Variants in MAGI3 observed in about 807,000 individuals in gnomAD.
MAGI3 encodes membrane-associated guanylate kinase, WW and PDZ domain-containing protein 3.
Under a neutral mutation model 121.8 loss-of-function variants are expected in MAGI3, and 43 were observed. The ratio of observed to expected loss-of-function variants is 0.35; its 90% CI spans 0.28 to 0.46. MAGI3 has a LOEUF of 0.46. MAGI3 is among the 20% of genes least tolerant of loss of function. The pLI, the probability that MAGI3 is intolerant of heterozygous loss-of-function variation, is 1.00. For synonymous variants in MAGI3, 553 were observed against 639.3 expected (o/e 0.86, Z 2.04); for missense variants, 1,547 against 1,797.3 (o/e 0.86, Z 2.52).
chr1:113,454,222 C>G (rs894086157), intron 1 of MAGI3, among the ~76,000 whole-genome samples: 3 of 152,066 alleles, frequency 2.0e-5, no homozygotes, highest in Non-Finnish European at 2.9e-5. Flanking sequence ...GCATATTTTG[C>G]TTGTTTTAAA....
chr1:113,415,182 C>T (rs1652234181), intron 1 of MAGI3, among the ~76,000 whole-genome samples: 1 of 152,044 alleles, frequency 6.6e-6, no homozygotes, highest in African/African-American at 2.4e-5. Flanking sequence ...CCTTTAGTAG[C>T]AGAAGTAATA....
intron 1 of MAGI3, among the ~76,000 whole-genome samples, chr1:113,461,897 G>T (rs1421362712): frequency 6.6e-6 from 1 of 152,008 alleles, no homozygotes; most frequent in African/African-American, 2.4e-5. Context: ...CATTTAAAAA[G>T]TGGGCAAAGG....
intron 1 of MAGI3, among the ~76,000 whole-genome samples, chr1:113,454,258 AG>A (rs1161850026): frequency 6.6e-6 from 1 of 152,176 alleles, no homozygotes; most frequent in Non-Finnish European, 1.5e-5. Flanking sequence ...TTCTTCCTTT[AG>A]GGGTAGCTTA....
At chr1:113,505,553 A>AATAAATAAATAAATAAATAT (rs1051747568) in intron 1 of MAGI3, among the ~76,000 whole-genome samples, 1 of 148,586 alleles carries the variant, frequency 6.7e-6, no homozygotes, top group Non-Finnish European at 1.5e-5. Flanking sequence ...TAAATAAATA[A>AATAAATAAATAAATAAATAT]ATATATAATG....
chr1:113,451,727 A>G (rs1301069958), intron 1 of MAGI3, among the ~76,000 whole-genome samples: 1 of 152,172 alleles, frequency 6.6e-6, no homozygotes, highest in African/African-American at 2.4e-5. Flanking sequence ...AATCCCAACT[A>G]TTAACAATTT....
At chr1:113,479,664 A>G (rs75372342) in intron 1 of MAGI3, among the ~76,000 whole-genome samples, 9,434 of 152,170 alleles carry the variant, frequency 0.062, 320 homozygotes, top group Non-Finnish European at 0.074. Context: ...GGTGGTTTTC[A>G]TCATTATTTC....
intron 8 of MAGI3, among the ~76,000 whole-genome samples, chr1:113,622,153 T>C (rs977505189): frequency 1.9e-4 from 29 of 152,174 alleles, no homozygotes; most frequent in Admixed American, 9.2e-4. Flanking sequence ...ATTTAAAATC[T>C]TTTTTACAGT....
chr1:113,417,157 T>C (rs1324993638), intron 1 of MAGI3, among the ~76,000 whole-genome samples: 1 of 152,108 alleles, frequency 6.6e-6, no homozygotes, highest in African/African-American at 2.4e-5. Flanking sequence ...ATTTTAGGCA[T>C]ATGGTTATAT....
At chr1:113,663,057 C>T (rs1170788544) in intron 16 of MAGI3, among the ~76,000 whole-genome samples, 1 of 152,048 alleles carries the variant, frequency 6.6e-6, no homozygotes, top group Non-Finnish European at 1.5e-5. Context: ...GAAACCCCAC[C>T]TCTACTAAAA....
At chr1:113,650,906 G>A in intron 13 of MAGI3, 108 bp from the exon 14 acceptor site, 1 of 974,458 alleles carries the variant, frequency 1.0e-6, no homozygotes, top group South Asian at 1.5e-5. Context: ...TGTTTTCATA[G>A]TTGAACTGCA....
intron 1 of MAGI3, among the ~76,000 whole-genome samples, chr1:113,464,781 C>T (rs1655192603): frequency 6.6e-6 from 1 of 152,084 alleles, no homozygotes; most frequent in South Asian, 2.1e-4. Context: ...TACCTGTTGG[C>T]CATTTGTATG....
intron 1 of MAGI3, among the ~76,000 whole-genome samples, chr1:113,519,076 A>C (rs1008816823): frequency 2.0e-5 from 3 of 152,196 alleles, no homozygotes; most frequent in Admixed American, 6.5e-5. Flanking sequence ...AATTCTCTCT[A>C]TGAAAACAGA....
intron 1 of MAGI3, chr1:113,449,980 C>T (rs1310264101): frequency 1.3e-6 from 2 of 1,562,792 alleles, no homozygotes; most frequent in Admixed American, 3.3e-5. Context: ...AGAGAGGATT[C>T]TGTAAAGCCT....
At chr1:113,649,466 T>C (rs745931970) in intron 13 of MAGI3, 138 bp downstream of exon 13, 1 of 574,510 alleles carries the variant, frequency 1.7e-6, no homozygotes, top group Non-Finnish European at 3.0e-6. Flanking sequence ...TTTCCATTAT[T>C]ATCATAGTCC....
chr1:113,598,475 A>C (rs1313171514), intron 6 of MAGI3, among the ~76,000 whole-genome samples: 1 of 152,184 alleles, frequency 6.6e-6, no homozygotes, highest in Non-Finnish European at 1.5e-5. Context: ...TCAACGTAAA[A>C]GAGTGGAAAA....
At chr1:113,449,572 A>G in intron 1 of MAGI3, 1 of 624,794 alleles carries the variant, frequency 1.6e-6, no homozygotes, top group South Asian at 2.0e-5. Context: ...TTCTGGATAA[A>G]TTATCTGCAA....
At chr1:113,531,680 C>G (rs961241840) in intron 1 of MAGI3, among the ~76,000 whole-genome samples, 1 of 131,314 alleles carries the variant, frequency 7.6e-6, no homozygotes, top group Non-Finnish European at 1.5e-5. Flanking sequence ...AGTTTTTCCC[C>G]GACTCTATGT....
In MAGI3 at chr1:113,416,244, GTAAT is replaced by G. The variant is rs1195663281; in HGVS notation, c.316+24902_316+24905del. ...GTAATTAATGACACATATTAATTAT[GTAAT>G]TAATTACACATATTAATTATGTAAT... On this transcript the variant is annotated intron_variant, in intron 1 of 20. Transcript: ENST00000307546. Among the ~76,000 whole-genome samples, 38 of 135,240 alleles carry G rather than the reference GTAAT, an allele frequency of 2.8e-4. 9 individuals carry two copies. The highest frequency in any genetic ancestry group is 2.1e-3 in the South Asian group (9 of 4,350). 88.7% of individuals were successfully genotyped at this position (135,240 alleles called of 152,430 possible).
rs975041594 is a variant in MAGI3, at chr1:113,590,574, A to T, written c.854A>T (p.Tyr285Phe). ...AATAGCTCCATGGACTTTAGAAATTATATGATGAGAGATGAGACTCTGGAA... is the reference window on the plus strand; with the variant it reads ...AATAGCTCCATGGACTTTAGAAATTTTATGATGAGAGATGAGACTCTGGAA... Reference protein sequence around the residue: ...QTNSSMDFRNYMMRDETLEPL... With the variant: ...QTNSSMDFRNFMMRDETLEPL... Residue 285 changes from tyrosine to phenylalanine, a missense_variant, in exon 5 of 21, where the codon TAT becomes TTT. Tyr to Phe is a conservative substitution (Grantham distance 22). Coordinates refer to ENST00000307546, the MANE Select transcript of MAGI3 (RefSeq NM_001142782.2). 1.2e-6 allele frequency: 2 copies of T among 1,613,690 alleles called. No homozygotes were observed. Among genetic ancestry groups the T allele is most frequent in the African/African-American group, 1.3e-5 (1 of 74,910 alleles).
Sources: allele counts gnomAD v4.1 joint callset (sites outside exome capture counted in the v4.1 genomes callset), GRCh38; gene constraint gnomAD v4.1.1; transcripts MANE v1.5; gene names NCBI Gene and HGNC (gene_info 2026-07-23, HGNC 2026-07-21).